The following DCHS2 variants were observed in gnomAD, a reference collection of about 807,000 sequenced individuals.
The protein encoded by DCHS2 is dachsous cadherin-related 2, also known as protocadherin-23.
Under a neutral mutation model 182.4 loss-of-function variants are expected in DCHS2, and 142 were observed. The observed-to-expected ratio is 0.78, with a 90% CI of 0.68 to 0.89. The LOEUF is 0.89. Among genes scored for constraint, DCHS2 ranks in the 40% least tolerant of loss-of-function variants. The pLI, the probability that DCHS2 is intolerant of heterozygous loss-of-function variation, is 0.00. For synonymous variants in DCHS2, 1,740 were observed against 1,663.3 expected, an observed-to-expected ratio of 1.05 and a Z score of -1.12; for missense variants, 4,319 against 4,198.6, an observed-to-expected ratio of 1.03 and a Z score of -0.79.
Position 154,320,613 on chromosome 4 carries a change from C to T in DCHS2, c.4786G>A (p.Val1596Met). Reference protein sequence around the residue: ...TVTASDQAVNVTDRRLRSLTA... With the variant: ...TVTASDQAVNMTDRRLRSLTA... The stretch of plus-strand genomic sequence containing the variant: ...AGTGATCTCAGTCGCCGGTCTGTCA[C>T]ATTCACAGCCTGATCAGATGCTGTT... Residue 1596 changes from valine to methionine, a missense_variant, in exon 9 of 20, where the codon GTG (valine) becomes ATG (methionine). Physicochemically the swap from Val to Met is conservative, Grantham distance 21. Coordinates refer to ENST00000357232, the MANE Select transcript of DCHS2 (RefSeq NM_001358235.2). The T allele has an allele frequency of 6.2e-7, 1 of 1,614,158 alleles. No individual in the cohort carries two copies. Among genetic ancestry groups the T allele is most frequent in the Non-Finnish European group, 8.5e-7 (1 of 1,180,004 alleles).
chr4:154,316,059 A>G, intron 9 of DCHS2, 72 bp from the exon 10 acceptor site: 2 of 1,571,590 alleles, frequency 1.3e-6, no homozygotes, highest in Non-Finnish European at 1.7e-6. Context: ...CTCCACTTAT[A>G]TCTAACTTGT....
At chr4:154,370,341 T>C (rs1168729872) in intron 2 of DCHS2, among the ~76,000 whole-genome samples, 1 of 151,922 alleles carries the variant, frequency 6.6e-6, no homozygotes, top group Non-Finnish European at 1.5e-5. Flanking sequence ...GAAAAATAGA[T>C]CAAATAAAGA....
intron 14 of DCHS2, chr4:154,261,763 A>C (rs2111177365): frequency 6.6e-6 from 1 of 152,334 alleles, no homozygotes; most frequent in Non-Finnish European, 1.5e-5. Context: ...TTTGATATCA[A>C]ATTTAGTTAT....
intron 15 of DCHS2, among the ~76,000 whole-genome samples, chr4:154,258,854 T>C (rs1732831432): frequency 6.6e-6 from 1 of 152,158 alleles, no homozygotes; most frequent in Non-Finnish European, 1.5e-5. Context: ...GGAATGACCC[T>C]CCCTGTGGCT....
At chr4:154,238,796 G>A (rs1731657813) in intron 19 of DCHS2, among the ~76,000 whole-genome samples, 1 of 152,080 alleles carries the variant, frequency 6.6e-6, no homozygotes, top group African/African-American at 2.4e-5. Context: ...GTAATATGAA[G>A]TCTTCAGCAC....
Position 154,315,990 on chromosome 4 carries a change from G to A in DCHS2, c.5021-3C>T. 4 of 1,612,590 alleles carry A rather than the reference G, an allele frequency of 2.5e-6. No homozygotes were observed. The highest frequency in any genetic ancestry group is 3.4e-6 in the Non-Finnish European group (4 of 1,178,828). On this transcript the variant is annotated splice_polypyrimidine_tract_variant and splice_region_variant and intron_variant, in intron 9 of 19. Coordinates refer to ENST00000357232, the MANE Select transcript of DCHS2 (RefSeq NM_001358235.2). The stretch of plus-strand genomic sequence containing the variant: ...AGGACAGGTTGTGGTTAGTAAGCCT[G>A]TTTTGAAAATGGAAGAAAAGCAACA...
At chr4:154,348,775 C>T (rs749526480) in intron 3 of DCHS2, among the ~76,000 whole-genome samples, 1 of 151,960 alleles carries the variant, frequency 6.6e-6, no homozygotes, top group African/African-American at 2.4e-5. Flanking sequence ...TGATTTCAGA[C>T]TTCTGGCCTC....
intron 2 of DCHS2, among the ~76,000 whole-genome samples, chr4:154,375,995 C>A (rs1561076363): frequency 6.6e-6 from 1 of 151,936 alleles, no homozygotes. Flanking sequence ...TGTATGATTC[C>A]ATTCACTGAA....
intron 13 of DCHS2, among the ~76,000 whole-genome samples, chr4:154,279,249 A>T (rs1734009263): frequency 6.6e-6 from 1 of 151,598 alleles, no homozygotes; most frequent in South Asian, 2.1e-4. Flanking sequence ...ACAAAAGGAA[A>T]TAAAAAAATC....
intron 1 of DCHS2, among the ~76,000 whole-genome samples, chr4:154,402,109 A>G (rs1732210889): frequency 6.6e-6 from 1 of 152,198 alleles, no homozygotes; most frequent in African/African-American, 2.4e-5. Flanking sequence ...TTTTCCCCAA[A>G]CAGATGTCCA....
intron 1 of DCHS2, among the ~76,000 whole-genome samples, chr4:154,406,379 A>G (rs1732401507): frequency 6.6e-6 from 1 of 152,232 alleles, no homozygotes; most frequent in Non-Finnish European, 1.5e-5. Context: ...TCAAAGTGCC[A>G]GGGCCAACAA....
intron 1 of DCHS2, among the ~76,000 whole-genome samples, chr4:154,483,840 G>A (rs953302662): frequency 3.9e-5 from 6 of 152,104 alleles, no homozygotes; most frequent in African/African-American, 1.2e-4. Flanking sequence ...CTCAGCCAGC[G>A]TCCTTAGCCA....
intron 2 of DCHS2, among the ~76,000 whole-genome samples, chr4:154,367,880 T>C (rs1210969860): frequency 6.6e-6 from 1 of 152,002 alleles, no homozygotes; most frequent in Non-Finnish European, 1.5e-5. Flanking sequence ...ATGAAGATTG[T>C]ATGGGAGGAA....
At chr4:154,422,252 T>C (rs1036765878) in intron 1 of DCHS2, among the ~76,000 whole-genome samples, 3 of 152,190 alleles carry the variant, frequency 2.0e-5, no homozygotes, top group Non-Finnish European at 2.9e-5. Context: ...AGCTTTTGGA[T>C]TTTATCACCT....
At position 154,489,620 on chromosome 4, in the gene DCHS2, G is replaced by A; in HGVS notation, c.1736C>T (p.Thr579Ile). The change falls in exon 1 of 20, where the codon ACT becomes ATT. Residue 579 changes from threonine to isoleucine, a missense_variant. Physicochemically the swap from Thr to Ile is moderately conservative, Grantham distance 89. Transcript: ENST00000357232. ...AGSDHAWLRY[T>I]VVQLSAPCNL... ...GCAGGGAGCCGAGAGTTGGACTACA[G>A]TGTAGCGCAGCCAGGCGTGATCACT... 1 of 1,551,564 alleles carries A rather than the reference G, an allele frequency of 6.4e-7. No individual in the cohort carries two copies. Among genetic ancestry groups the A allele is most frequent in the Non-Finnish European group, 8.7e-7 (1 of 1,146,886 alleles).
At chr4:154,340,138 A>C (rs1561054600) in intron 3 of DCHS2, among the ~76,000 whole-genome samples, 1 of 152,232 alleles carries the variant, frequency 6.6e-6, no homozygotes, top group Admixed American at 6.5e-5. Flanking sequence ...GTAAACTAAG[A>C]TTGGACATTA....
At chr4:154,489,257 A>C in intron 1 of DCHS2, 47 bp downstream of exon 1, 2 of 1,418,748 alleles carry the variant, frequency 1.4e-6, no homozygotes, top group Non-Finnish European at 1.9e-6. Flanking sequence ...AACCCTCTCC[A>C]TCCCTTCCCA....
chr4:154,436,493 G>A (rs180968653), intron 1 of DCHS2, among the ~76,000 whole-genome samples: 24 of 152,086 alleles, frequency 1.6e-4, no homozygotes, highest in Admixed American at 1.2e-3. Flanking sequence ...AAAATACCTC[G>A]TGATACTCTC....
chr4:154,332,044 T>C (rs1357482658), intron 5 of DCHS2, among the ~76,000 whole-genome samples: 6 of 152,342 alleles, frequency 3.9e-5, no homozygotes, highest in East Asian at 3.9e-4. Context: ...TAGCTTTACA[T>C]TGATGATATT....
Sources: gnomAD v4.1 joint callset for allele counts (sites outside exome capture counted in the v4.1 genomes callset) on GRCh38, gnomAD v4.1.1 for gene constraint, MANE v1.5 for transcripts, NCBI Gene and HGNC (gene_info 2026-07-23, HGNC 2026-07-21) for gene names.